Variants in PDCD11 observed in about 807,000 individuals in gnomAD.
PDCD11 encodes the protein protein RRP5 homolog.
PDCD11 carries 97 observed loss-of-function variants against 198.9 expected under a neutral mutation model. The ratio of observed to expected loss-of-function variants is 0.49; its 90% confidence interval spans 0.41 to 0.58. PDCD11 has a LOEUF of 0.58. Among genes scored for constraint, PDCD11 ranks in the 20% least tolerant of loss-of-function variants. The probability of loss-of-function intolerance (pLI) is 0.00; values close to 1 mark genes in which losing one functional copy is unlikely to be tolerated. For synonymous variants in PDCD11, 893 were observed against 918.0 expected (o/e 0.97, Z 0.49); for missense variants, 2,102 against 2,312.7 (o/e 0.91, Z 1.87).
At chr10:103,424,909 C>A in intron 19 of PDCD11, 75 bp from the exon 20 acceptor site, 1 of 1,540,332 alleles carries the variant, frequency 6.5e-7, no homozygotes, top group Non-Finnish European at 8.8e-7. Flanking sequence ...TCAGCCACAC[C>A]CTGCCCAGTG....
chr10:103,413,040 C>T (rs1329558702), intron 8 of PDCD11, 76 bp from the exon 9 acceptor site: 21 of 1,118,670 alleles, frequency 1.9e-5, no homozygotes, highest in Non-Finnish European at 2.9e-5. Flanking sequence ...TGTGGAAAGG[C>T]TTGATGCCTG....
At chr10:103,440,975 C>T in intron 30 of PDCD11, 125 bp downstream of exon 30, 1 of 660,244 alleles carries the variant, frequency 1.5e-6, no homozygotes, top group South Asian at 2.0e-5. Context: ...TCAGTTGCCT[C>T]CATTGACCGT....
chr10:103,400,152 A>G (rs1453528553), intron 2 of PDCD11, among the ~76,000 whole-genome samples: 1 of 152,118 alleles, frequency 6.6e-6, no homozygotes, highest in Non-Finnish European at 1.5e-5. Context: ...GGAGAACACA[A>G]GAGAGAAGAG....
intron 7 of PDCD11, among the ~76,000 whole-genome samples, chr10:103,409,008 C>G (rs140736137): frequency 6.6e-6 from 1 of 152,092 alleles, no homozygotes; most frequent in Non-Finnish European, 1.5e-5. Flanking sequence ...AGAATGAGTA[C>G]GAGAAAGGGG....
chr10:103,411,691 G>C (rs1442647647), intron 8 of PDCD11, among the ~76,000 whole-genome samples: 1 of 152,088 alleles, frequency 6.6e-6, no homozygotes, highest in Non-Finnish European at 1.5e-5. Context: ...AACTAGCTGA[G>C]AATTTTTTTT....
Position 103,403,193 on chromosome 10 carries a change from A to C in PDCD11, c.310A>C (p.Asn104His). ...NELELVISLPNGLQGFVQVTE... is the reference protein window; with the variant it reads ...NELELVISLPHGLQGFVQVTE... ...ACTGGAACTGGTGATTAGTCTCCCC[A>C]ATGGCCTCCAGGGCTTTGTGCAAGT... is the stretch of plus-strand genomic sequence containing the variant. Residue 104 changes from asparagine to histidine, a missense_variant, in exon 4 of 36, where the codon AAT (asparagine) becomes CAT (histidine). Coordinates refer to ENST00000369797, the MANE Select transcript of PDCD11 (RefSeq NM_014976.2). 1 of 1,614,162 alleles carries C rather than the reference A, an allele frequency of 6.2e-7. No individual in the cohort carries two copies. Among genetic ancestry groups the C allele is most frequent in the Non-Finnish European group, 8.5e-7 (1 of 1,179,992 alleles).
Position 103,440,354 on chromosome 10 carries a change from G to A in PDCD11, c.4213G>A (p.Val1405Met), listed in dbSNP as rs191321233. ...CCCCGGAGACACTGGGAAGCCAGAC[G>A]TGCTTTCTGCTTCCTTGGAAGGGCA... is the stretch of plus-strand genomic sequence containing the variant. The part of the protein sequence containing the change: ...FLPGDTGKPD[V>M]LSASLEGQLT... Residue 1405 changes from valine to methionine, a missense_variant, in exon 29 of 36, where the codon GTG (valine) becomes ATG (methionine). Val to Met is a conservative substitution (Grantham distance 21). Transcript: ENST00000369797. 5.6e-4 allele frequency: 901 copies of A among 1,614,228 alleles called. 1 individual carries two copies. The highest frequency in any genetic ancestry group is 7.0e-4 in the Non-Finnish European group (829 of 1,180,042).
chr10:103,425,506 C>A lies in PDCD11; in HGVS notation c.3286C>A (p.Arg1096=), dbSNP rs753476534. Residue 1096 remains arginine, a synonymous_variant, in exon 20 of 36, where the codon CGA becomes AGA. Coordinates refer to ENST00000369797, the MANE Select transcript of PDCD11 (RefSeq NM_014976.2). Reference sequence around the variant, plus strand: ...GGTCACTGCCCGAGTGATTGGCGGGCGAGACATGAAGACATTCAAGTATGG... The same window carrying A: ...GGTCACTGCCCGAGTGATTGGCGGGAGAGACATGAAGACATTCAAGTATGG... ...KTVTARVIGG[R]DMKTFKYLPI... is the part of the protein sequence containing the mutation. 2 of 1,609,920 alleles carry A rather than the reference C, an allele frequency of 1.2e-6. No homozygotes were observed. The highest frequency in any genetic ancestry group is 1.7e-6 in the Non-Finnish European group (2 of 1,176,800).
At chr10:103,436,793 G>A (rs567882291) in intron 25 of PDCD11, among the ~76,000 whole-genome samples, 30 of 152,320 alleles carry the variant, frequency 2.0e-4, no homozygotes, top group African/African-American at 7.0e-4. Context: ...ATGATGCCAC[G>A]TTACCAAAGG....
Position 103,400,528 on chromosome 10 carries a change from G to C in PDCD11, c.234G>C (p.Glu78Asp), listed in dbSNP as rs1234102702. ...AGAAGTTTGAAATCCTTAGTGTTGA[G>C]GTTTGTTAAAGTTGGTTTTCATTTA... Reference protein sequence around the residue: ...AREKFEILSVESLCEGMRILG... With the variant: ...AREKFEILSVDSLCEGMRILG... The change falls in exon 3 of 36, where the codon GAG becomes GAC. Residue 78 changes from glutamate (E) to aspartate (D), a missense_variant and splice_region_variant. Glu to Asp is a conservative substitution (Grantham distance 45). Coordinates refer to ENST00000369797, the MANE Select transcript of PDCD11 (RefSeq NM_014976.2). 2 of 1,609,816 alleles carry C rather than the reference G, an allele frequency of 1.2e-6. No homozygotes were observed. The highest frequency in any genetic ancestry group is 2.7e-5 in the African/African-American group (2 of 74,522).
intron 25 of PDCD11, among the ~76,000 whole-genome samples, chr10:103,436,150 G>T (rs1220083744): frequency 2.0e-5 from 3 of 151,876 alleles, no homozygotes; most frequent in Non-Finnish European, 4.4e-5. Flanking sequence ...ACCCAGGCTG[G>T]AGTGCAGTGG....
At chr10:103,415,259 G>T in intron 12 of PDCD11, 108 bp downstream of exon 12, 2 of 1,128,378 alleles carry the variant, frequency 1.8e-6, no homozygotes, top group Non-Finnish European at 2.6e-6. Flanking sequence ...TGTCTGTAGT[G>T]TGTCTTGTGC....
intron 12 of PDCD11, among the ~76,000 whole-genome samples, chr10:103,415,905 C>T (rs958006208): frequency 2.0e-5 from 3 of 152,158 alleles, no homozygotes; most frequent in Non-Finnish European, 4.4e-5. Context: ...GAGTGCTCCA[C>T]GGGCAGGCAC....
rs896632117 is a variant in PDCD11 at position 103,446,123 on chromosome 10, G to C, written c.*574G>C. ...CCTGGGCTGCTGAGGAAAGCCACGG[G>C]TGTTGGCGTGAACTGATGATGTCTC... On this transcript the variant is annotated 3_prime_UTR_variant, in exon 36 of 36. Transcript: ENST00000369797. The C allele has an allele frequency of 3.2e-5, 5 of 154,550 alleles. No homozygotes were observed. The highest frequency in any genetic ancestry group is 1.2e-4 in the African/African-American group (5 of 41,460). 9.6% of individuals were successfully genotyped at this position (154,550 alleles called of 1,614,324 possible).
intron 2 of PDCD11, among the ~76,000 whole-genome samples, chr10:103,400,115 A>G (rs568108651): frequency 4.0e-4 from 61 of 152,224 alleles, no homozygotes; most frequent in Middle Eastern, 6.8e-3. Context: ...AAACTGGGGA[A>G]CCCAGTGTTC....
chr10:103,440,896 A>G (rs2032359136), intron 30 of PDCD11, 46 bp downstream of exon 30: 1 of 1,362,388 alleles, frequency 7.3e-7, no homozygotes, highest in African/African-American at 1.4e-5. Context: ...CAGGCAAGGG[A>G]AGAGCTGGGC....
intron 21 of PDCD11, among the ~76,000 whole-genome samples, chr10:103,429,360 C>T (rs1242790559): frequency 1.3e-5 from 2 of 152,158 alleles, no homozygotes; most frequent in Non-Finnish European, 2.9e-5. Context: ...AGTTTCAAAT[C>T]ACTTCAGGAA....
At chr10:103,427,914 T>G (rs761083606) in intron 21 of PDCD11, among the ~76,000 whole-genome samples, 1 of 152,100 alleles carries the variant, frequency 6.6e-6, no homozygotes, top group Non-Finnish European at 1.5e-5. Flanking sequence ...AAGCTAGGTG[T>G]GTATGACCTT....
chr10:103,416,687 A>C lies in PDCD11; in HGVS notation c.1715A>C (p.His572Pro). 1 of 1,614,258 alleles carries C rather than the reference A, an allele frequency of 6.2e-7. No individual in the cohort carries two copies. Among genetic ancestry groups the C allele is most frequent in the Non-Finnish European group, 8.5e-7 (1 of 1,180,048 alleles). The change falls in exon 13 of 36, where the codon CAT becomes CCT. Residue 572 changes from histidine (H) to proline (P), a missense_variant. Physicochemically the swap from His to Pro is moderately conservative, Grantham distance 77. Transcript: ENST00000369797. ...YNNVQGLVPK[H>P]ELSTEYIPDP... is the part of the protein sequence containing the mutation. ...AATGTGCAGGGACTGGTGCCCAAGCATGAGCTCAGTACTGAGTATATCCCT... is the reference window on the plus strand; with the variant it reads ...AATGTGCAGGGACTGGTGCCCAAGCCTGAGCTCAGTACTGAGTATATCCCT...
Sources: allele counts gnomAD v4.1 joint callset (sites outside exome capture counted in the v4.1 genomes callset), GRCh38; gene constraint gnomAD v4.1.1; transcripts MANE v1.5; gene names NCBI Gene and HGNC (gene_info 2026-07-23, HGNC 2026-07-21).